Variants in ALG9 observed in about 807,000 individuals in gnomAD.
ALG9 encodes alpha-1,2-mannosyltransferase ALG9.
Under a neutral mutation model 81.8 loss-of-function variants are expected in ALG9, and 55 were observed. The ratio of observed to expected loss-of-function variants is 0.67; its 90% CI spans 0.54 to 0.84. The LOEUF (loss-of-function observed/expected upper bound fraction) is 0.84, where lower values mean the gene tolerates loss of function less well. Among genes scored for constraint, ALG9 ranks in the 40% least tolerant of loss-of-function variants. ALG9 has a pLI of 0.00. For missense variants in ALG9, 629 were observed against 745.0 expected, an observed-to-expected ratio of 0.84 and a Z score of 1.81; for synonymous variants, 278 against 274.3, an observed-to-expected ratio of 1.01 and a Z score of -0.13.
intron 4 of ALG9, among the ~76,000 whole-genome samples, chr11:111,862,369 G>T (rs1235930831): frequency 6.6e-6 from 1 of 151,516 alleles, no homozygotes; most frequent in Admixed American, 6.6e-5. Context: ...AAGTAGCTGG[G>T]GCTATAGGCA....
intron 4 of ALG9, chr11:111,864,304 C>T: frequency 9.5e-7 from 1 of 1,053,792 alleles, no homozygotes; most frequent in South Asian, 1.3e-5. Context: ...TTCAACAGCC[C>T]CGGCTGGAGG....
At chr11:111,869,263 T>G (rs1414484264) in intron 2 of ALG9, among the ~76,000 whole-genome samples, 1 of 152,224 alleles carries the variant, frequency 6.6e-6, no homozygotes. Flanking sequence ...AGAAAACCTC[T>G]AAATTTTATA....
At chr11:111,871,324 C>T (rs1555158570) in intron 1 of ALG9, 28 bp downstream of exon 1, 4 of 1,412,522 alleles carry the variant, frequency 2.8e-6, no homozygotes, top group Non-Finnish European at 2.7e-6. Context: ...CGCCGGCCGG[C>T]CACGCCCCTG....
At chr11:111,776,006 G>A in the ALG9 span, among the ~76,000 whole-genome samples, 98 of 152,148 alleles carry the variant, frequency 6.4e-4, no homozygotes, top group African/African-American at 2.2e-3. Context: ...GTTAATAATA[G>A]TTATTGACTT....
chr11:111,840,931 T>C, intron 9 of ALG9, 122 bp from the exon 10 acceptor site: 7 of 1,163,200 alleles, frequency 6.0e-6, no homozygotes, highest in Non-Finnish European at 8.8e-6. Context: ...AGAATGTTTC[T>C]ACTCTTGTAT....
rs1317278746 is a variant in ALG9, at chr11:111,784,994, T to C, written c.*1403A>G. On this transcript the variant is annotated 3_prime_UTR_variant, in exon 15 of 15. Coordinates refer to ENST00000616540, the MANE Select transcript of ALG9 (RefSeq NM_024740.2). The stretch of plus-strand genomic sequence containing the variant: ...GACTGGAGGCTCCAAAGAACTCAAA[T>C]ACAGACACAATTCTTCCTTAAAATA... 2 of 152,632 alleles carry C rather than the reference T, an allele frequency of 1.3e-5. No individual in the cohort carries two copies. The highest frequency in any genetic ancestry group is 4.8e-5 in the African/African-American group (2 of 41,460). 9.5% of individuals were successfully genotyped at this position (152,632 alleles called of 1,614,324 possible). A position where few individuals can be genotyped will look rare whatever the true frequency, so the allele number is the denominator to read the frequency against.
Position 111,809,723 on chromosome 11 carries a change from T to A in ALG9, c.1653A>T (p.Glu551Asp), listed in dbSNP as rs782232839. The A allele has an allele frequency of 2.5e-6, 4 of 1,613,986 alleles. No homozygotes were observed. Among genetic ancestry groups the A allele is most frequent in the Admixed American group, 1.7e-5 (1 of 60,000 alleles). Residue 551 changes from glutamate (E) to aspartate (D), a missense_variant, in exon 14 of 15, where the codon GAA becomes GAT. Glu to Asp is a conservative substitution (Grantham distance 45). This residue lies in a region of ALG9 where 264 missense variants were observed against 302.2 expected (regional missense o/e 0.87). Transcript: ENST00000616540. ...ATGAATATTTTGGCTCCCGGGGTGT[T>A]TCTCTCATGGTGTCCAAATCCACTA... ...HYLVDLDTMR[E>D]TPREPKYSSN... is the part of the protein sequence containing the mutation.
At chr11:111,845,360 T>C (rs371043906) in intron 8 of ALG9, 2 of 153,352 alleles carry the variant, frequency 1.3e-5, no homozygotes, top group East Asian at 3.9e-4. Flanking sequence ...TCCCATTTTG[T>C]TTTCATCTGC....
At chr11:111,853,023 T>C (rs1592301088) in intron 8 of ALG9, among the ~76,000 whole-genome samples, 1 of 151,492 alleles carries the variant, frequency 6.6e-6, no homozygotes, top group Non-Finnish European at 1.5e-5. Flanking sequence ...TATGCTTTCA[T>C]TTCCTTCTCC....
rs782214791 is a variant in ALG9 at position 111,868,602 on chromosome 11, C to T, written c.405G>A (p.Lys135=). The stretch of plus-strand genomic sequence containing the variant: ...TGCTTCCAGGTTGGTCTGCCCTTAC[C>T]TTATTAGTTTGTAGAATTCTTGCAT... ...AFHARILQTN[K]ILVFYFLRCL... Residue 135 remains lysine (K), a splice_region_variant and synonymous_variant, in exon 3 of 15, where the codon AAG becomes AAA. Coordinates refer to ENST00000616540, the MANE Select transcript of ALG9 (RefSeq NM_024740.2). 3 of 1,613,802 alleles carry T rather than the reference C, an allele frequency of 1.9e-6. No homozygotes were observed. The highest frequency in any genetic ancestry group is 2.5e-6 in the Non-Finnish European group (3 of 1,179,774).
At chr11:111,809,333 C>T (rs1591950502) in intron 14 of ALG9, among the ~76,000 whole-genome samples, 1 of 151,934 alleles carries the variant, frequency 6.6e-6, no homozygotes, top group Admixed American at 6.6e-5. Context: ...GTTGGGAGAC[C>T]AGCCTGGCCA....
chr11:111,768,316 A>C, the ALG9 span, among the ~76,000 whole-genome samples: 482 of 152,330 alleles, frequency 3.2e-3, 4 homozygotes, highest in African/African-American at 0.011. Context: ...AAATTACTAT[A>C]ATATTTTTAA....
chr11:111,867,761 T>G (rs1451742012), intron 3 of ALG9, among the ~76,000 whole-genome samples: 1 of 152,234 alleles, frequency 6.6e-6, no homozygotes, highest in African/African-American at 2.4e-5. Flanking sequence ...GGATTATTCA[T>G]GGGCTCAGCA....
chr11:111,768,068 G>C, the ALG9 span, among the ~76,000 whole-genome samples: 209 of 152,290 alleles, frequency 1.4e-3, no homozygotes, highest in Non-Finnish European at 2.6e-3. Flanking sequence ...AATGAGAAAA[G>C]AACAGAGGTG....
At chr11:111,838,603 A>G (rs1555120217) in intron 10 of ALG9, among the ~76,000 whole-genome samples, 1 of 152,076 alleles carries the variant, frequency 6.6e-6, no homozygotes, top group African/African-American at 2.4e-5. Context: ...CAACAATAAA[A>G]TCTCACTAGC....
intron 1 of ALG9, 59 bp downstream of exon 1, chr11:111,871,293 G>C: frequency 2.9e-6 from 4 of 1,365,872 alleles, no homozygotes; most frequent in African/African-American, 3.1e-5. Flanking sequence ...AGACCCTCCC[G>C]GGGGCAGCCC....
chr11:111,791,954 G>C (rs1555070789), intron 14 of ALG9, among the ~76,000 whole-genome samples: 1 of 152,214 alleles, frequency 6.6e-6, no homozygotes, highest in African/African-American at 2.4e-5. Context: ...GTGGTGGCGT[G>C]CGCCTGTAAT....
At chr11:111,831,749 C>CTAAA (rs1378063599) in intron 13 of ALG9, among the ~76,000 whole-genome samples, 1 of 152,150 alleles carries the variant, frequency 6.6e-6, no homozygotes, top group African/African-American at 2.4e-5. Flanking sequence ...AAGTTCCCTT[C>CTAAA]TAAATCTATG....
chr11:111,827,393 T>C (rs1444666229), intron 13 of ALG9, among the ~76,000 whole-genome samples: 2 of 152,054 alleles, frequency 1.3e-5, no homozygotes. Flanking sequence ...GGAGAATCAC[T>C]TGAACCCGGT....
Sources: gnomAD v4.1 joint callset for allele counts (sites outside exome capture counted in the v4.1 genomes callset) on GRCh38, gnomAD v4.1.1 for gene constraint, gnomAD v4.1.1 regional missense constraint, MANE v1.5 for transcripts, NCBI Gene and HGNC (gene_info 2026-07-23, HGNC 2026-07-21) for gene names.